PTPRT: variants seen among roughly 807,000 people sequenced by gnomAD.
PTPRT encodes receptor-type tyrosine-protein phosphatase T.
Under a neutral mutation model 176.8 loss-of-function variants are expected in PTPRT, and 56 were observed. The ratio of observed to expected loss-of-function variants is 0.32; its 90% CI spans 0.26 to 0.40. The LOEUF is 0.40. PTPRT is among the 10% of genes least tolerant of loss of function. PTPRT has a pLI of 1.00. For synonymous variants in PTPRT, 783 were observed against 739.0 expected, an observed-to-expected ratio of 1.06 and a Z score of -0.96; for missense variants, 1,540 against 1,908.2, an observed-to-expected ratio of 0.81 and a Z score of 3.60.
intron 9 of PTPRT, among the ~76,000 whole-genome samples, chr20:42,430,955 AT>A (rs1036240499): frequency 2.6e-5 from 4 of 152,062 alleles, no homozygotes; most frequent in Admixed American, 2.6e-4. Flanking sequence ...GTGCAGTGCA[AT>A]TTGGCAATAT....
chr20:42,067,391 G>C, the PTPRT span, among the ~76,000 whole-genome samples: 1 of 152,152 alleles, frequency 6.6e-6, no homozygotes, highest in African/African-American at 2.4e-5. Flanking sequence ...TGGTTTGTCA[G>C]GAGCCATGTT....
At chr20:42,084,645 C>A (rs1254505102) in intron 29 of PTPRT, 37 bp downstream of exon 29, 2 of 1,379,568 alleles carry the variant, frequency 1.4e-6, no homozygotes, top group African/African-American at 1.4e-5. Context: ...TATCACCCAC[C>A]ACCCTATTGC....
At chr20:42,561,462 C>T (rs2072950280) in intron 7 of PTPRT, among the ~76,000 whole-genome samples, 1 of 152,140 alleles carries the variant, frequency 6.6e-6, no homozygotes, top group Non-Finnish European at 1.5e-5. Context: ...CCATGCAAGC[C>T]TTGGGGACAT....
chr20:42,471,348 G>A (rs1287951384), intron 8 of PTPRT, among the ~76,000 whole-genome samples: 2 of 152,158 alleles, frequency 1.3e-5, no homozygotes, highest in South Asian at 2.1e-4. Flanking sequence ...AGTGCTGGAG[G>A]TGTGATTGGA....
chr20:42,717,981 A>T (rs1287168858), intron 6 of PTPRT, among the ~76,000 whole-genome samples: 2 of 152,364 alleles, frequency 1.3e-5, no homozygotes, highest in African/African-American at 4.8e-5. Flanking sequence ...ACCTACCAGA[A>T]TGGCTAATAT....
chr20:42,693,607 TAGG>T (rs1332820901), intron 6 of PTPRT, among the ~76,000 whole-genome samples: 9 of 152,310 alleles, frequency 5.9e-5, no homozygotes, highest in East Asian at 5.8e-4. Context: ...TTCACTGTGG[TAGG>T]AGAAGTGTAT....
At chr20:42,637,182 G>T (rs1714250410) in intron 7 of PTPRT, among the ~76,000 whole-genome samples, 1 of 152,126 alleles carries the variant, frequency 6.6e-6, no homozygotes, top group Non-Finnish European at 1.5e-5. Context: ...AAGTTATCAG[G>T]TTATTCTGAC....
intron 6 of PTPRT, among the ~76,000 whole-genome samples, chr20:42,695,312 T>C (rs2075857638): frequency 6.6e-6 from 1 of 152,208 alleles, no homozygotes. Flanking sequence ...TTAATTATAC[T>C]CAAATGTATC....
In PTPRT at chr20:42,768,217, T is replaced by C. The variant is rs934033866; in HGVS notation, c.684+3218A>G. Among the ~76,000 whole-genome samples the C allele has an allele frequency of 5.3e-5, 8 of 152,066 alleles. 1 individual carries two copies. Among genetic ancestry groups the C allele is most frequent in the Admixed American group, 5.2e-4 (8 of 15,270 alleles). Reference sequence around the variant, plus strand: ...TTTCCTTGAAAAAATAGTTACTGAATCTATTCACTTACCAGATACGTTTCA... The same window carrying C: ...TTTCCTTGAAAAAATAGTTACTGAACCTATTCACTTACCAGATACGTTTCA... On this transcript the variant is annotated intron_variant, in intron 5 of 30. Coordinates refer to ENST00000373187, the MANE Select transcript of PTPRT (RefSeq NM_007050.6).
intron 9 of PTPRT, among the ~76,000 whole-genome samples, chr20:42,382,450 T>A (rs1219690477): frequency 6.6e-6 from 1 of 152,150 alleles, no homozygotes; most frequent in East Asian, 1.9e-4. Context: ...TGCTTCCAGA[T>A]CCCTGTACAT....
intron 1 of PTPRT, among the ~76,000 whole-genome samples, chr20:42,922,659 A>G (rs1378614839): frequency 2.0e-5 from 3 of 152,092 alleles, no homozygotes; most frequent in Non-Finnish European, 4.4e-5. Flanking sequence ...CACACTTTTG[A>G]GTAGAATTCT....
intron 18 of PTPRT, among the ~76,000 whole-genome samples, chr20:42,140,628 C>A (rs1373894266): frequency 6.6e-6 from 1 of 152,124 alleles, no homozygotes; most frequent in African/African-American, 2.4e-5. Flanking sequence ...GCTGACTGAT[C>A]CCTCTGCTAC....
intron 6 of PTPRT, among the ~76,000 whole-genome samples, chr20:42,722,222 C>T (rs959129082): frequency 2.0e-5 from 3 of 151,966 alleles, no homozygotes; most frequent in Non-Finnish European, 4.4e-5. Context: ...TGGGGGGTGT[C>T]CAGAATTCTG....
chr20:42,479,003 G>T (rs891216660), intron 7 of PTPRT, among the ~76,000 whole-genome samples: 1 of 152,200 alleles, frequency 6.6e-6, no homozygotes, highest in African/African-American at 2.4e-5. Flanking sequence ...GTAGAGGGTT[G>T]AATCAGGATC....
intron 7 of PTPRT, among the ~76,000 whole-genome samples, chr20:42,514,242 T>G (rs755542144): frequency 2.6e-5 from 4 of 152,222 alleles, no homozygotes; most frequent in Non-Finnish European, 5.9e-5. Flanking sequence ...TGATCCTGCA[T>G]GTATCGGCAC....
intron 7 of PTPRT, among the ~76,000 whole-genome samples, chr20:42,505,005 C>A (rs540751334): frequency 3.3e-5 from 5 of 152,170 alleles, no homozygotes; most frequent in East Asian, 1.9e-4. Context: ...GCAGAGCATA[C>A]CTACGATATA....
At chr20:42,529,115 T>C (rs1026855720) in intron 7 of PTPRT, among the ~76,000 whole-genome samples, 1 of 152,234 alleles carries the variant, frequency 6.6e-6, no homozygotes, top group Non-Finnish European at 1.5e-5. Context: ...ATTAACGTGC[T>C]CAAGTTTCAC....
chr20:42,722,563 G>C (rs4812638), intron 6 of PTPRT, among the ~76,000 whole-genome samples: 21,968 of 152,018 alleles, frequency 0.14, 2,275 homozygotes, highest in East Asian at 0.31. Context: ...CTGACTCCCC[G>C]TCTCTGTCCT....
chr20:42,704,744 T>A (rs6030425), intron 6 of PTPRT, among the ~76,000 whole-genome samples: 1 of 152,134 alleles, frequency 6.6e-6, no homozygotes, highest in Non-Finnish European at 1.5e-5. Flanking sequence ...ACTGTAATTA[T>A]GCATAACCCC....
Sources: gnomAD v4.1 joint callset for allele counts (sites outside exome capture counted in the v4.1 genomes callset) on GRCh38, gnomAD v4.1.1 for gene constraint, MANE v1.5 for transcripts, NCBI Gene and HGNC (gene_info 2026-07-23, HGNC 2026-07-21) for gene names.